Variants in TULP4 observed in about 807,000 individuals in gnomAD.
TULP4 encodes the protein tubby-related protein 4.
In TULP4, 16 loss-of-function variants were observed where a neutral mutation model predicts 129.0. The ratio of observed to expected loss-of-function variants is 0.12; its 90% CI spans 0.08 to 0.19. TULP4 has a LOEUF of 0.19. TULP4 is among the 10% of genes least tolerant of loss of function. The pLI, the probability that TULP4 is intolerant of heterozygous loss-of-function variation, is 1.00. For synonymous variants in TULP4, 998 were observed against 854.0 expected (o/e 1.17, Z -2.94); for missense variants, 1,842 against 2,059.1 (o/e 0.89, Z 2.04).
intron 1 of TULP4, among the ~76,000 whole-genome samples, chr6:158,333,950 A>G (rs1172234973): frequency 4.6e-5 from 7 of 152,208 alleles, no homozygotes; most frequent in Non-Finnish European, 1.0e-4. Flanking sequence ...TAACTGTAGT[A>G]TGTACTACAC....
At chr6:158,321,511 T>G (rs1288117960) in intron 1 of TULP4, among the ~76,000 whole-genome samples, 1 of 152,130 alleles carries the variant, frequency 6.6e-6, no homozygotes, top group Non-Finnish European at 1.5e-5. Context: ...AGACTATCGG[T>G]CACCCAGACA....
chr6:158,330,826 T>C (rs1444230129), intron 1 of TULP4, among the ~76,000 whole-genome samples: 1 of 152,228 alleles, frequency 6.6e-6, no homozygotes, highest in African/African-American at 2.4e-5. Context: ...TTTTTCCTTA[T>C]GTTTTATGAC....
At chr6:158,450,651 A>G (rs780935191) in intron 4 of TULP4, among the ~76,000 whole-genome samples, 1 of 152,080 alleles carries the variant, frequency 6.6e-6, no homozygotes, top group Non-Finnish European at 1.5e-5. Context: ...CTACAGCCTC[A>G]TAATAGTAAA....
chr6:158,374,686 A>G (rs1777147129), intron 1 of TULP4, among the ~76,000 whole-genome samples: 1 of 152,258 alleles, frequency 6.6e-6, no homozygotes, highest in Non-Finnish European at 1.5e-5. Context: ...TCCTTTTCCA[A>G]TAGCAGTAAC....
chr6:158,483,753 AG>A (rs1780001786), intron 8 of TULP4, among the ~76,000 whole-genome samples: 1 of 152,064 alleles, frequency 6.6e-6, no homozygotes, highest in African/African-American at 2.4e-5. Context: ...GCTTACCCTT[AG>A]ATTACGATTC....
chr6:158,408,693 C>CA (rs1778021437), intron 1 of TULP4, among the ~76,000 whole-genome samples: 1 of 152,178 alleles, frequency 6.6e-6, no homozygotes, highest in African/African-American at 2.4e-5. Flanking sequence ...CTCCAGAGCC[C>CA]GCCTTCCTCA....
intron 1 of TULP4, among the ~76,000 whole-genome samples, chr6:158,274,733 C>T (rs1202944834): frequency 4.6e-5 from 7 of 152,144 alleles, no homozygotes; most frequent in African/African-American, 7.2e-5. Flanking sequence ...GCCGAGATTG[C>T]GCCCCTGCAC....
At chr6:158,290,269 C>T (rs1175169277) in intron 1 of TULP4, among the ~76,000 whole-genome samples, 2 of 152,094 alleles carry the variant, frequency 1.3e-5, no homozygotes, top group African/African-American at 4.8e-5. Context: ...TTTGCATTTC[C>T]CTGATGATAG....
At chr6:158,311,179 C>T (rs375580177), upstream of TULP4, among the ~76,000 whole-genome samples, 19 of 152,272 alleles carry the variant, frequency 1.2e-4, no homozygotes, top group East Asian at 2.1e-3. Context: ...AAGCCTGGTT[C>T]CCTGCCCAGC....
rs564190034 is a variant in TULP4 at position 158,413,625 on chromosome 6, A to G, written c.381+432A>G. Among the ~76,000 whole-genome samples, 9 of 152,240 alleles carry G rather than the reference A, an allele frequency of 5.9e-5. No homozygotes were observed. The highest frequency in any genetic ancestry group is 3.3e-4 in the Admixed American group (5 of 15,300). ...TGCTCAACAAGGAAAGGGTGCTACAATCTCTTCCACAGGCTTCAATCAGCA... is the reference window on the plus strand; with the variant it reads ...TGCTCAACAAGGAAAGGGTGCTACAGTCTCTTCCACAGGCTTCAATCAGCA... On this transcript the variant is annotated intron_variant, in intron 2 of 13. Transcript: ENST00000367097. The surrounding 1 kb of genome is among the most constrained non-coding windows in gnomAD (Gnocchi z 4.9).
At chr6:158,349,713 TGG>T (rs755003448) in intron 1 of TULP4, among the ~76,000 whole-genome samples, 1 of 54,170 alleles carries the variant, frequency 1.8e-5, no homozygotes, top group African/African-American at 7.4e-5. Context: ...TCCCAGACGA[TGG>T]GCGGCCGGGC....
rs751601572 is a variant in TULP4, at chr6:158,479,738, C to A, written c.1027-13C>A. ...AAAAGCTTAAGCATTGTCTTCCCTT[C>A]ACTTCCTGCCAGCGCCCCATCATCT... On this transcript the variant is annotated splice_polypyrimidine_tract_variant and intron_variant, in intron 6 of 13. Transcript: ENST00000367097. The A allele has an allele frequency of 1.9e-6, 3 of 1,610,882 alleles. No individual in the cohort carries two copies. Among genetic ancestry groups the A allele is most frequent in the Non-Finnish European group, 2.5e-6 (3 of 1,177,572 alleles).
At chr6:158,309,146 C>T, upstream of TULP4, among the ~76,000 whole-genome samples, 2 of 35,500 alleles carry the variant, frequency 5.6e-5, 1 homozygote, top group Non-Finnish European at 1.6e-4. Context: ...GGGCGGCTGC[C>T]GGGCAGAGGG....
chr6:158,510,432 G>A lies in TULP4; in HGVS notation c.*3738G>A, dbSNP rs1780711744. 1 of 152,238 alleles carries A rather than the reference G, an allele frequency of 6.6e-6. No individual in the cohort carries two copies. The highest frequency in any genetic ancestry group is 2.1e-4 in the South Asian group (1 of 4,828). 9.4% of individuals were successfully genotyped at this position (152,238 alleles called of 1,614,324 possible). ...GCCTCCACTTGTCCATCTGTGAAAT[G>A]AAAGGATCAGCCTGGACAGCCCTCT... On this transcript the variant is annotated 3_prime_UTR_variant, in exon 14 of 14. Coordinates refer to ENST00000367097, the MANE Select transcript of TULP4 (RefSeq NM_020245.5).
At chr6:158,246,553 A>G (rs1778035006) in intron 1 of TULP4, among the ~76,000 whole-genome samples, 1 of 152,122 alleles carries the variant, frequency 6.6e-6, no homozygotes, top group Non-Finnish European at 1.5e-5. Flanking sequence ...TCTCTATAAA[A>G]TGACTGCAAA....
At chr6:158,284,446 G>A (rs1272762275) in intron 1 of TULP4, among the ~76,000 whole-genome samples, 2 of 152,204 alleles carry the variant, frequency 1.3e-5, no homozygotes, top group Non-Finnish European at 2.9e-5. Context: ...CCCTCTACCC[G>A]CTGCTGAAGA....
upstream of TULP4, among the ~76,000 whole-genome samples, chr6:158,309,034 A>ACC (rs1381781547): frequency 2.0e-5 from 2 of 101,502 alleles, no homozygotes; most frequent in Non-Finnish European, 4.3e-5. Flanking sequence ...GCGGGGGCTG[A>ACC]CCCCCACCTC....
Position 158,429,053 on chromosome 6 carries a change from G to A in TULP4, c.382-683G>A, listed in dbSNP as rs575856650. Among the ~76,000 whole-genome samples the A allele has an allele frequency of 6.6e-5, 10 of 152,214 alleles. No homozygotes were observed. In the East Asian group the frequency reaches 1.2e-3, roughly 18 times the overall value. ...GCTGGAGTACAGAGGCACCATGATCGCTCACTAAGGCCTCAACCTCCTAGG... is the reference window on the plus strand; with the variant it reads ...GCTGGAGTACAGAGGCACCATGATCACTCACTAAGGCCTCAACCTCCTAGG... On this transcript the variant is annotated intron_variant, in intron 2 of 13. Transcript: ENST00000367097.
intron 1 of TULP4, among the ~76,000 whole-genome samples, chr6:158,292,543 T>C (rs1384018776): frequency 1.3e-5 from 2 of 152,224 alleles, no homozygotes; most frequent in African/African-American, 4.8e-5. Flanking sequence ...TTTCAGAGCA[T>C]TGTGGAAGTG....
Sources: gnomAD v4.1 joint callset for allele counts (sites outside exome capture counted in the v4.1 genomes callset) on GRCh38, gnomAD v4.1.1 for gene constraint, Gnocchi (gnomAD v3.1) non-coding constraint, MANE v1.5 for transcripts, NCBI Gene and HGNC (gene_info 2026-07-23, HGNC 2026-07-21) for gene names.